Variants in TLL2 observed in about 807,000 individuals in gnomAD.
TLL2 encodes the protein tolloid like 2.
Under a neutral mutation model 123.0 loss-of-function variants are expected in TLL2, and 106 were observed. That is an observed-to-expected ratio of 0.86 (90% CI 0.74 to 1.01). The LOEUF (loss-of-function observed/expected upper bound fraction) is 1.01. Ranked by LOEUF, TLL2 falls within the 50% of genes least tolerant of loss-of-function variation. The pLI, the probability that TLL2 is intolerant of heterozygous loss-of-function variation, is 0.00. For synonymous variants in TLL2, 494 were observed against 516.8 expected, an observed-to-expected ratio of 0.96 and a Z score of 0.60; for missense variants, 1,332 against 1,336.7, an observed-to-expected ratio of 1.00 and a Z score of 0.06.
intron 16 of TLL2, among the ~76,000 whole-genome samples, chr10:96,382,107 A>T (rs1302211898): frequency 6.6e-6 from 1 of 151,870 alleles, no homozygotes. Context: ...TTGCTCTGTC[A>T]CCCAACCTCT....
chr10:96,388,006 C>A (rs1385969878), intron 13 of TLL2, among the ~76,000 whole-genome samples: 1 of 152,170 alleles, frequency 6.6e-6, no homozygotes, highest in African/African-American at 2.4e-5. Flanking sequence ...AACACTGAGA[C>A]ATCTTTTTCA....
chr10:96,478,379 C>T (rs1847279842), intron 2 of TLL2, among the ~76,000 whole-genome samples: 1 of 152,196 alleles, frequency 6.6e-6, no homozygotes, highest in Admixed American at 6.5e-5. Context: ...GAGTATGCAC[C>T]CACTTAGAGC....
At chr10:96,396,594 TTTTTTTG>T (rs1431383156) in intron 11 of TLL2, among the ~76,000 whole-genome samples, 5 of 150,228 alleles carry the variant, frequency 3.3e-5, no homozygotes, top group Admixed American at 6.6e-5. Flanking sequence ...TTTTTTTTTT[TTTTTTTG>T]GTAGAGGGTA....
chr10:96,507,534 T>G (rs1023117421), intron 1 of TLL2, among the ~76,000 whole-genome samples: 9 of 152,176 alleles, frequency 5.9e-5, no homozygotes, highest in Admixed American at 5.9e-4. Context: ...GTTCAAGAAG[T>G]GCTGTGAGCA....
At chr10:96,448,959 G>A (rs1846927405) in intron 2 of TLL2, among the ~76,000 whole-genome samples, 1 of 152,148 alleles carries the variant, frequency 6.6e-6, no homozygotes, top group Non-Finnish European at 1.5e-5. Flanking sequence ...TAACTGCACT[G>A]GTTTTGTATA....
chr10:96,399,698 A>C (rs1846375507), intron 10 of TLL2, among the ~76,000 whole-genome samples: 1 of 152,262 alleles, frequency 6.6e-6, no homozygotes, highest in Admixed American at 6.5e-5. Context: ...ACCAATGAGG[A>C]CACGGAGCAA....
At chr10:96,407,998 C>T (rs1846467433) in intron 9 of TLL2, among the ~76,000 whole-genome samples, 1 of 152,216 alleles carries the variant, frequency 6.6e-6, no homozygotes, top group Non-Finnish European at 1.5e-5. Context: ...TCATACCAAG[C>T]AAACACCCTT....
chr10:96,501,327 GCTCCGGACCC>G (rs1221124009), intron 1 of TLL2, among the ~76,000 whole-genome samples: 2 of 152,106 alleles, frequency 1.3e-5, no homozygotes, highest in Non-Finnish European at 2.9e-5. Context: ...GTACATCTCA[GCTCCGGACCC>G]CTCCCACCCA....
At position 96,373,722 on chromosome 10, in the gene TLL2, T is replaced by C. The variant is rs765619643; in HGVS notation, c.2536A>G (p.Ile846Val). ...MYDGPDSLAP[I>V]LGRFCGSKKP... Reference sequence around the variant, plus strand: ...TTGCTGCCGCAGAAACGGCCCAGAATGGGGGCCAGGCTGTCCGGCCCGTCA... The same window carrying C: ...TTGCTGCCGCAGAAACGGCCCAGAACGGGGGCCAGGCTGTCCGGCCCGTCA... Residue 846 changes from isoleucine (I) to valine (V), a missense_variant, in exon 19 of 21, where the codon ATT becomes GTT. Ile to Val is a conservative substitution (Grantham distance 29). Transcript: ENST00000357947. 1.1e-5 allele frequency: 17 copies of C among 1,614,090 alleles called. No individual in the cohort carries two copies. The highest frequency in any genetic ancestry group is 1.4e-5 in the Non-Finnish European group (16 of 1,180,048).
At chr10:96,417,314 G>A (rs1042858491) in intron 7 of TLL2, among the ~76,000 whole-genome samples, 4 of 152,152 alleles carry the variant, frequency 2.6e-5, no homozygotes, top group Non-Finnish European at 2.9e-5. Flanking sequence ...ATTGTTTTCC[G>A]AAAATCCAGG....
intron 1 of TLL2, among the ~76,000 whole-genome samples, chr10:96,491,112 G>A (rs1250980294): frequency 1.3e-5 from 2 of 152,222 alleles, no homozygotes; most frequent in African/African-American, 4.8e-5. Flanking sequence ...TGGGCGCGGT[G>A]GCTTTCGCCT....
intron 4 of TLL2, among the ~76,000 whole-genome samples, chr10:96,432,324 G>T (rs959853323): frequency 6.6e-6 from 1 of 152,134 alleles, no homozygotes; most frequent in Non-Finnish European, 1.5e-5. Flanking sequence ...TTGCTGGCAA[G>T]TGCTGGAGCT....
intron 8 of TLL2, among the ~76,000 whole-genome samples, chr10:96,411,057 C>G (rs1003069866): frequency 4.6e-5 from 7 of 152,002 alleles, no homozygotes; most frequent in African/African-American, 1.7e-4. Context: ...GCCTGGCCAA[C>G]ATGGGGAAAC....
chr10:96,455,047 C>G (rs966154549), intron 2 of TLL2, among the ~76,000 whole-genome samples: 1 of 151,970 alleles, frequency 6.6e-6, no homozygotes, highest in African/African-American at 2.4e-5. Context: ...TTGCCCATAA[C>G]AATGTGAGAT....
intron 1 of TLL2, among the ~76,000 whole-genome samples, chr10:96,504,867 G>C (rs1847563925): frequency 1.3e-5 from 2 of 152,104 alleles, no homozygotes; most frequent in African/African-American, 2.4e-5. Context: ...AATTAGCCAG[G>C]CGTGGTGGCG....
intron 2 of TLL2, among the ~76,000 whole-genome samples, chr10:96,476,236 A>AT (rs1333954391): frequency 4.9e-5 from 1 of 20,448 alleles, no homozygotes; most frequent in Non-Finnish European, 1.1e-4. Flanking sequence ...ATATATATAT[A>AT]TATATTTTAT....
At chr10:96,423,454 G>A (rs1286005062) in intron 5 of TLL2, among the ~76,000 whole-genome samples, 1 of 152,172 alleles carries the variant, frequency 6.6e-6, no homozygotes, top group Non-Finnish European at 1.5e-5. Flanking sequence ...GAGCCTTAGA[G>A]ATGACTCCCT....
At chr10:96,405,767 G>A (rs775623493) in intron 9 of TLL2, among the ~76,000 whole-genome samples, 3 of 152,134 alleles carry the variant, frequency 2.0e-5, no homozygotes, top group African/African-American at 7.2e-5. Flanking sequence ...ACATCTCTGC[G>A]ATCAACCTCC....
chr10:96,443,517 A>G lies in TLL2; in HGVS notation c.364+2574T>C, dbSNP rs997510197. On this transcript the variant is annotated intron_variant, in intron 3 of 20. Transcript: ENST00000357947. ...GTCCACCTGCTAGATAAATTCAGTCAAGTGAGTGACCCCAGATGGCATCAG... is the reference window on the plus strand; with the variant it reads ...GTCCACCTGCTAGATAAATTCAGTCGAGTGAGTGACCCCAGATGGCATCAG... Among the ~76,000 whole-genome samples the G allele has an allele frequency of 2.0e-5, 3 of 152,350 alleles. No individual in the cohort carries two copies. In the East Asian group the frequency reaches 5.8e-4, roughly 29 times the overall value.
Sources: allele counts gnomAD v4.1 joint callset (sites outside exome capture counted in the v4.1 genomes callset), GRCh38; gene constraint gnomAD v4.1.1; transcripts MANE v1.5; gene names NCBI Gene and HGNC (gene_info 2026-07-23, HGNC 2026-07-21).